Variants in PRKCE observed in about 807,000 individuals in gnomAD.
The protein encoded by PRKCE is protein kinase C epsilon, also known as protein kinase C epsilon type.
PRKCE carries 16 observed loss-of-function variants against 85.4 expected under a neutral mutation model. The ratio of observed to expected loss-of-function variants is 0.19; its 90% CI spans 0.13 to 0.28. PRKCE has a LOEUF of 0.28. Among genes scored for constraint, PRKCE ranks in the 10% least tolerant of loss-of-function variants. The probability of loss-of-function intolerance (pLI) is 1.00; values close to 1 mark genes in which losing one functional copy is unlikely to be tolerated. For missense variants in PRKCE, 573 were observed against 975.2 expected (o/e 0.59, Z 5.49); for synonymous variants, 388 against 371.5 (o/e 1.04, Z -0.51).
chr2:46,066,165 C>T (rs1030528239), intron 10 of PRKCE, among the ~76,000 whole-genome samples: 17 of 152,126 alleles, frequency 1.1e-4, no homozygotes, highest in Admixed American at 2.6e-4. Context: ...GGGGCTGTAG[C>T]GTGGTGAGAT....
chr2:45,894,188 G>C (rs903760101), intron 2 of PRKCE, among the ~76,000 whole-genome samples: 1 of 151,926 alleles, frequency 6.6e-6, no homozygotes, highest in Non-Finnish European at 1.5e-5. Context: ...ATCAGTTTTC[G>C]AAGATCTCTT....
chr2:45,870,263 CAG>C (rs1042200468), intron 2 of PRKCE, among the ~76,000 whole-genome samples: 2 of 152,178 alleles, frequency 1.3e-5, no homozygotes, highest in African/African-American at 4.8e-5. Context: ...ACCCAAGACA[CAG>C]AGTGCAATTC....
rs563354994 is a variant in PRKCE, at chr2:45,870,882, A to G, written c.412+27819A>G. Among the ~76,000 whole-genome samples the G allele has an allele frequency of 6.4e-4, 97 of 152,320 alleles. 1 individual carries two copies. Among genetic ancestry groups the G allele is most frequent in the South Asian group, 1.5e-3 (7 of 4,820 alleles). On this transcript the variant is annotated intron_variant, in intron 2 of 14. Transcript: ENST00000306156. ...GTGAGCGCTTGGTGATGACAAAGAC[A>G]CTAGATGTTTGGAGGGAGTAAACCC...
At chr2:45,818,233 A>G (rs900123754) in intron 1 of PRKCE, among the ~76,000 whole-genome samples, 10 of 152,212 alleles carry the variant, frequency 6.6e-5, no homozygotes, top group Non-Finnish European at 1.2e-4. Context: ...GTACATCAAA[A>G]GGTTCATTCC....
intron 2 of PRKCE, among the ~76,000 whole-genome samples, chr2:45,933,282 C>T (rs1699173073): frequency 6.6e-6 from 1 of 152,068 alleles, no homozygotes; most frequent in Non-Finnish European, 1.5e-5. Flanking sequence ...CTTGTAGTTC[C>T]TTAAGAGGAT....
At chr2:45,938,081 C>G (rs1445141815) in intron 2 of PRKCE, among the ~76,000 whole-genome samples, 1 of 152,224 alleles carries the variant, frequency 6.6e-6, no homozygotes. Context: ...TCTCCTCCCT[C>G]TGTTCCTCTT....
chr2:45,710,667 T>C (rs555639744), intron 1 of PRKCE, among the ~76,000 whole-genome samples: 3 of 152,382 alleles, frequency 2.0e-5, no homozygotes, highest in African/African-American at 7.2e-5. Context: ...GCCCAGAGTA[T>C]GCCCAGGGCT....
rs1699343044 is a variant in PRKCE, at chr2:45,935,091, A to ACACG, written c.413-41336_413-41335insCGCA. On this transcript the variant is annotated intron_variant, in intron 2 of 14. Transcript: ENST00000306156. ...CTCACACACACACACACACACACAC[A>ACACG]CATAGAAAATGGAAATGGAAATCAT... Among the ~76,000 whole-genome samples, 3 of 151,856 alleles carry ACACG rather than the reference A, an allele frequency of 2.0e-5. No homozygotes were observed. The South Asian group carries it at 6.2e-4, about 32-fold the overall frequency.
chr2:46,070,670 G>A (rs1463054506), intron 10 of PRKCE, among the ~76,000 whole-genome samples: 1 of 151,914 alleles, frequency 6.6e-6, no homozygotes, highest in African/African-American at 2.4e-5. Flanking sequence ...AAAAACAAAG[G>A]TGGCATTTTA....
chr2:46,037,318 A>G (rs1021190604), intron 10 of PRKCE, among the ~76,000 whole-genome samples: 4 of 151,920 alleles, frequency 2.6e-5, no homozygotes, highest in African/African-American at 7.3e-5. Flanking sequence ...AGGATCCCAA[A>G]CTCCAAGTCA....
intron 10 of PRKCE, among the ~76,000 whole-genome samples, chr2:46,022,220 T>C (rs768201566): frequency 3.5e-4 from 53 of 152,188 alleles, no homozygotes; most frequent in Non-Finnish European, 2.6e-4. Context: ...GAGACAGTTA[T>C]CTGGGCACTG....
intron 14 of PRKCE, among the ~76,000 whole-genome samples, chr2:46,161,675 G>T (rs551079058): frequency 5.8e-4 from 88 of 152,136 alleles, no homozygotes; most frequent in South Asian, 1.2e-3. Flanking sequence ...AAGCCAGGGG[G>T]TTTTTATTGA....
intron 6 of PRKCE, among the ~76,000 whole-genome samples, chr2:45,994,052 C>T (rs1280602239): frequency 6.6e-6 from 1 of 152,072 alleles, no homozygotes; most frequent in East Asian, 1.9e-4. Flanking sequence ...TTATGTAGAG[C>T]ATTACGGAGA....
At chr2:45,721,954 T>G (rs1036867144) in intron 1 of PRKCE, among the ~76,000 whole-genome samples, 1 of 151,848 alleles carries the variant, frequency 6.6e-6, no homozygotes, top group South Asian at 2.1e-4. Flanking sequence ...TTCAAACTTT[T>G]GGGTCTCAAG....
chr2:46,121,202 TG>T (rs779690515), intron 11 of PRKCE, among the ~76,000 whole-genome samples: 2 of 152,356 alleles, frequency 1.3e-5, no homozygotes, highest in East Asian at 3.9e-4. Flanking sequence ...GCAACTTTTA[TG>T]GGGATGTTTA....
At chr2:45,729,230 G>A (rs1681350349) in intron 1 of PRKCE, among the ~76,000 whole-genome samples, 1 of 152,174 alleles carries the variant, frequency 6.6e-6, no homozygotes, top group Non-Finnish European at 1.5e-5. Context: ...ATTCACATAG[G>A]GCGGTGGAGG....
At chr2:46,025,094 G>A (rs1483926002) in intron 10 of PRKCE, among the ~76,000 whole-genome samples, 2 of 152,124 alleles carry the variant, frequency 1.3e-5, no homozygotes, top group African/African-American at 4.8e-5. Context: ...AACAAATGTA[G>A]GTGTGATTGT....
intron 1 of PRKCE, among the ~76,000 whole-genome samples, chr2:45,768,961 G>T (rs141131306): frequency 9.4e-4 from 143 of 152,324 alleles, no homozygotes; most frequent in African/African-American, 3.2e-3. Context: ...TCACCTGATT[G>T]TTCTGCTACT....
At chr2:45,676,007 T>C (rs1359705782) in intron 1 of PRKCE, 1 of 152,210 alleles carries the variant, frequency 6.6e-6, no homozygotes, top group African/African-American at 2.4e-5. Context: ...CTACAATGTT[T>C]TCTACATTGG....
Sources: allele counts gnomAD v4.1 joint callset (sites outside exome capture counted in the v4.1 genomes callset), GRCh38; gene constraint gnomAD v4.1.1; transcripts MANE v1.5; gene names NCBI Gene and HGNC (gene_info 2026-07-23, HGNC 2026-07-21).